Variants in F8 observed in about 807,000 individuals in gnomAD.
The protein encoded by F8 is coagulation factor VIII, also known as antihemophilic factor.
In F8, 12 loss-of-function variants were observed where a neutral mutation model predicts 140.6. That is an observed-to-expected ratio of 0.09 (90% CI 0.05 to 0.14). The LOEUF (loss-of-function observed/expected upper bound fraction) is 0.14, where lower values mean the gene tolerates loss of function less well. F8 is among the 10% of genes least tolerant of loss of function. F8 has a pLI of 1.00. For synonymous variants in F8, 585 were observed against 614.6 expected, an observed-to-expected ratio of 0.95 and a Z score of 0.71; for missense variants, 1,354 against 1,720.7, an observed-to-expected ratio of 0.79 and a Z score of 3.77.
At chrX:154,914,268 G>C (rs1390514313) in intron 14 of F8, among the ~76,000 whole-genome samples, 1 of 112,632 alleles carries the variant, frequency 8.9e-6, no homozygotes, top group Non-Finnish European at 1.9e-5. Context: ...TTCCCTCCTA[G>C]GCCTCCAGGC....
chrX:154,875,578 T>G (rs1336368502), intron 22 of F8, among the ~76,000 whole-genome samples: 1 of 112,030 alleles, frequency 8.9e-6, no homozygotes, highest in Non-Finnish European at 1.9e-5. Flanking sequence ...CCATGTCAGT[T>G]CTACTGAATC....
At chrX:154,861,532 G>A (rs782624091) in intron 24 of F8, among the ~76,000 whole-genome samples, 186 bp downstream of exon 24, 73 of 111,958 alleles carry the variant, frequency 6.5e-4, no homozygotes, top group Non-Finnish European at 8.7e-4. Flanking sequence ...CTTCCAGGAG[G>A]TTCAATTAGA....
At chrX:154,873,400 A>AT (rs1390018823) in intron 22 of F8, among the ~76,000 whole-genome samples, 1 of 109,801 alleles carries the variant, frequency 9.1e-6, no homozygotes, top group Admixed American at 9.7e-5. Context: ...TAATTTTTGT[A>AT]TTTTTTCAGT....
intron 6 of F8, among the ~76,000 whole-genome samples, chrX:154,982,764 T>C (rs1557283854): frequency 9.0e-6 from 1 of 111,479 alleles, no homozygotes; most frequent in Non-Finnish European, 1.9e-5. Context: ...ATGCTAATCA[T>C]CTCTGCATAA....
intron 18 of F8, among the ~76,000 whole-genome samples, chrX:154,902,718 G>A (rs1160984789): frequency 2.7e-5 from 3 of 111,961 alleles, no homozygotes; most frequent in Non-Finnish European, 3.8e-5. Context: ...TTCCCTGAAA[G>A]TGCCCTGCAG....
intron 14 of F8, among the ~76,000 whole-genome samples, chrX:154,906,945 TA>T (rs1283218319): frequency 8.9e-6 from 1 of 112,137 alleles, no homozygotes; most frequent in Non-Finnish European, 1.9e-5. Flanking sequence ...AATTGTGAAC[TA>T]AAAAAATTGT....
intron 1 of F8, among the ~76,000 whole-genome samples, chrX:155,014,304 GA>G (rs782482443): frequency 8.9e-6 from 1 of 111,852 alleles, no homozygotes; most frequent in Non-Finnish European, 1.9e-5. Flanking sequence ...GGGCATCTAT[GA>G]AAAAATTTAC....
rs782090875 is a variant in F8 at position 154,904,282 on chromosome X, G to A, written c.5815+14C>T. The A allele has an allele frequency of 4.2e-6, 5 of 1,177,517 alleles. No homozygotes were observed. The highest frequency in any genetic ancestry group is 5.8e-6 in the Non-Finnish European group (5 of 865,607). On this transcript the variant is annotated intron_variant, in intron 17 of 25. Coordinates refer to ENST00000360256, the MANE Select transcript of F8 (RefSeq NM_000132.4). Reference sequence around the variant, plus strand: ...CATTTCACAGTGATAATGTTTGGATGTGGAATATATTACCATGGAAGCGAT... The same window carrying A: ...CATTTCACAGTGATAATGTTTGGATATGGAATATATTACCATGGAAGCGAT...
chrX:154,959,573 T>A (rs781947577), intron 10 of F8, among the ~76,000 whole-genome samples: 1 of 112,068 alleles, frequency 8.9e-6, no homozygotes, highest in East Asian at 2.8e-4. Flanking sequence ...TGAAAATAGA[T>A]GTCATTGTTG....
intron 13 of F8, among the ~76,000 whole-genome samples, chrX:154,937,587 C>A (rs1392051722): frequency 9.0e-6 from 1 of 110,559 alleles, no homozygotes; most frequent in Non-Finnish European, 1.9e-5. Flanking sequence ...AAGAACATTA[C>A]AAATAACTTA....
intron 6 of F8, among the ~76,000 whole-genome samples, chrX:154,971,038 C>T (rs1211628015): frequency 1.8e-5 from 2 of 111,144 alleles, no homozygotes; most frequent in African/African-American, 6.5e-5. Context: ...CCTCATACTT[C>T]ATTATTCTCT....
chrX:154,922,170 C>T (rs1046132769), intron 14 of F8, among the ~76,000 whole-genome samples: 3 of 112,367 alleles, frequency 2.7e-5, no homozygotes, highest in African/African-American at 9.7e-5. Flanking sequence ...CCATTTCTTT[C>T]CATTTCTGTC....
chrX:154,844,506 T>C (rs58644737), intron 25 of F8, among the ~76,000 whole-genome samples: 1,159 of 110,583 alleles, frequency 0.01, 24 homozygotes, highest in African/African-American at 0.037. Flanking sequence ...AGGTCCTTCA[T>C]ATCCCTTGTA....
At chrX:154,898,449 A>G (rs782515408) in intron 21 of F8, among the ~76,000 whole-genome samples, 1 of 112,221 alleles carries the variant, frequency 8.9e-6, no homozygotes, top group South Asian at 3.7e-4. Flanking sequence ...CAGTTAATAG[A>G]TGGTTATCAA....
At chrX:154,880,177 C>A (rs782171478) in intron 22 of F8, among the ~76,000 whole-genome samples, 3 of 112,007 alleles carry the variant, frequency 2.7e-5, no homozygotes, top group Non-Finnish European at 5.6e-5. Context: ...TGTACAGGAG[C>A]GTTCATGGCA....
In F8 at chrX:154,930,757, T is replaced by G; in HGVS notation, c.3033A>C (p.Lys1011Asn). 4.1e-6 allele frequency: 5 copies of G among 1,210,815 alleles called. No homozygotes were observed. In the East Asian group the frequency reaches 1.5e-4, roughly 36 times the overall value. ...TTGTCTTTAACAAAGAGATGCTAAC[T>G]TTGAATAAGGCATTATCTTTAGTCA... ...ALLTKDNALFKVSISLLKTNK... is the reference protein window; with the variant it reads ...ALLTKDNALFNVSISLLKTNK... The change falls in exon 14 of 26, where the codon AAA becomes AAC. Residue 1011 changes from lysine (K) to asparagine (N), a missense_variant. Lys to Asn is a moderately conservative substitution (Grantham distance 94). Transcript: ENST00000360256.
At chrX:154,902,263 A>C (rs945832255) in intron 18 of F8, 96 bp from the exon 19 acceptor site, 1 of 661,524 alleles carries the variant, frequency 1.5e-6, no homozygotes, top group African/African-American at 2.1e-5. Context: ...TAGACCTACC[A>C]AATTTGGTAG....
At chrX:154,969,704 A>C in intron 6 of F8, 152 bp from the exon 7 acceptor site, 1 of 493,394 alleles carries the variant, frequency 2.0e-6, no homozygotes, top group Non-Finnish European at 3.5e-6. Flanking sequence ...GCTACTATCA[A>C]ACCAACAGCT....
chrX:154,880,571 G>A (rs1220892835), intron 22 of F8, among the ~76,000 whole-genome samples: 1 of 112,294 alleles, frequency 8.9e-6, no homozygotes, highest in Non-Finnish European at 1.9e-5. Context: ...TAGTATGTAA[G>A]TATTCAGCTG....
Sources: gnomAD v4.1 joint callset for allele counts (sites outside exome capture counted in the v4.1 genomes callset) on GRCh38, gnomAD v4.1.1 for gene constraint, MANE v1.5 for transcripts, NCBI Gene and HGNC (gene_info 2026-07-23, HGNC 2026-07-21) for gene names.